CES5A: variants seen among roughly 807,000 people sequenced by gnomAD.
The protein encoded by CES5A is carboxylesterase 5.
Under a neutral mutation model 62.9 loss-of-function variants are expected in CES5A, and 67 were observed. The ratio of observed to expected loss-of-function variants is 1.07; its 90% CI spans 0.88 to 1.31. CES5A has a LOEUF of 1.31. Among genes scored for constraint, CES5A ranks in the 50% most tolerant of loss-of-function variants. The pLI is 0.00. For synonymous variants in CES5A, 296 were observed against 280.8 expected (o/e 1.05, Z -0.54); for missense variants, 748 against 708.5 (o/e 1.06, Z -0.63).
chr16:55,949,936 T>C (rs1174826034), intron 1 of CES5A: 3 of 977,998 alleles, frequency 3.1e-6, no homozygotes, highest in East Asian at 2.7e-5. Flanking sequence ...ATAATAAACA[T>C]TGATGATAAC....
chr16:55,847,817 T>C lies in CES5A; in HGVS notation c.1424-977A>G, dbSNP rs374070671. ...TTTGCTGGTAAAAGTAATATTTTAG[T>C]GTGCATATATACTTTTGCACATGTG... On this transcript the variant is annotated intron_variant, in intron 11 of 12. Coordinates refer to ENST00000290567, the MANE Select transcript of CES5A (RefSeq NM_001143685.2). 7.8e-4 allele frequency among the ~76,000 whole-genome samples: 119 copies of C among 152,366 alleles called. 1 individual carries two copies. The East Asian group carries it at 0.022, about 28-fold the overall frequency.
intron 1 of CES5A, among the ~76,000 whole-genome samples, chr16:55,897,063 C>G (rs12918787): frequency 1.3e-5 from 2 of 151,754 alleles, no homozygotes; most frequent in Non-Finnish European, 2.9e-5. Flanking sequence ...TCCCCGCATC[C>G]CCCCCATCCT....
At chr16:55,851,830 T>C (rs1407005739) in intron 10 of CES5A, among the ~76,000 whole-genome samples, 3 of 152,232 alleles carry the variant, frequency 2.0e-5, no homozygotes, top group African/African-American at 4.8e-5. Flanking sequence ...ATGTGATATA[T>C]ACATACAATG....
intron 1 of CES5A, among the ~76,000 whole-genome samples, chr16:55,885,344 C>T (rs2033804166): frequency 6.6e-6 from 1 of 152,156 alleles, no homozygotes; most frequent in Admixed American, 6.5e-5. Context: ...CACCTGTCTT[C>T]CGAGACCACT....
At chr16:55,870,317 AAGG>A (rs1389687870) in intron 3 of CES5A, among the ~76,000 whole-genome samples, 1 of 151,516 alleles carries the variant, frequency 6.6e-6, no homozygotes, top group Non-Finnish European at 1.5e-5. Context: ...AAAAGAGGAG[AAGG>A]AGAAGAAGAA....
chr16:55,900,471 G>A (rs1177603838), intron 1 of CES5A, among the ~76,000 whole-genome samples: 1 of 152,136 alleles, frequency 6.6e-6, no homozygotes, highest in Non-Finnish European at 1.5e-5. Context: ...AATGGATAAG[G>A]AGCCTTTCAC....
chr16:55,952,197 A>G (rs1294170679), intron 1 of CES5A, among the ~76,000 whole-genome samples: 1 of 152,218 alleles, frequency 6.6e-6, no homozygotes, highest in East Asian at 1.9e-4. Flanking sequence ...CTCTTAGGTT[A>G]GCAAAGAAAA....
At chr16:55,903,312 C>T (rs1441911755) in intron 1 of CES5A, among the ~76,000 whole-genome samples, 1 of 152,186 alleles carries the variant, frequency 6.6e-6, no homozygotes, top group Non-Finnish European at 1.5e-5. Context: ...ACATGCCTAG[C>T]ACAGTGCATG....
chr16:55,898,408 T>C (rs1053630967), intron 1 of CES5A, among the ~76,000 whole-genome samples: 18 of 152,176 alleles, frequency 1.2e-4, no homozygotes, highest in Non-Finnish European at 2.2e-4. Flanking sequence ...GTAAGCACTA[T>C]ATTTAAAATC....
rs567618227 is a variant in CES5A at position 55,941,887 on chromosome 16, A to C, written c.160+7898T>G. 7.2e-4 allele frequency among the ~76,000 whole-genome samples: 110 copies of C among 152,286 alleles called. 1 individual carries two copies. In the South Asian group the frequency reaches 0.018, roughly 24 times the overall value. On this transcript the variant is annotated intron_variant, in intron 2 of 13. Coordinates refer to the CES5A transcript ENST00000521992. Reference sequence around the variant, plus strand: ...AGTCATAGAACAGTACATCCTTCCAAAAGTCAATGGTACTATCTTATACTT... The same window carrying C: ...AGTCATAGAACAGTACATCCTTCCACAAGTCAATGGTACTATCTTATACTT...
At chr16:55,953,579 C>T (rs1354067379) in intron 1 of CES5A, among the ~76,000 whole-genome samples, 1 of 152,026 alleles carries the variant, frequency 6.6e-6, no homozygotes, top group Non-Finnish European at 1.5e-5. Context: ...ATACCTCAGG[C>T]AAATTTCATA....
chr16:55,883,734 A>G (rs2142426627), intron 1 of CES5A, among the ~76,000 whole-genome samples: 1 of 152,250 alleles, frequency 6.6e-6, no homozygotes, highest in African/African-American at 2.4e-5. Context: ...CCAATGTGAT[A>G]GCTCTTACCT....
chr16:55,941,578 A>G (rs2034446753), intron 2 of CES5A, among the ~76,000 whole-genome samples: 1 of 152,108 alleles, frequency 6.6e-6, no homozygotes. Context: ...TCCAATAAAA[A>G]TCCCAGGAGG....
chr16:55,857,060 A>G (rs2033258121), intron 8 of CES5A, among the ~76,000 whole-genome samples: 1 of 152,178 alleles, frequency 6.6e-6, no homozygotes, highest in Non-Finnish European at 1.5e-5. Flanking sequence ...GAAAATTTCC[A>G]AACTGGTGTT....
upstream of CES5A, among the ~76,000 whole-genome samples, chr16:55,926,058 T>G (rs1231701902): frequency 6.6e-6 from 1 of 152,162 alleles, no homozygotes; most frequent in Non-Finnish European, 1.5e-5. Flanking sequence ...GTTTGCTAGA[T>G]CTGTAGAGTG....
intron 1 of CES5A, among the ~76,000 whole-genome samples, chr16:55,909,032 C>A (rs1007468961): frequency 6.6e-6 from 1 of 152,180 alleles, no homozygotes; most frequent in Non-Finnish European, 1.5e-5. Context: ...CAACAGGGAA[C>A]GAATGCTCCA....
At chr16:55,952,001 G>A (rs55970719) in intron 1 of CES5A, among the ~76,000 whole-genome samples, 12,799 of 152,098 alleles carry the variant, frequency 0.084, 751 homozygotes, top group Non-Finnish European at 0.13. Flanking sequence ...ATTATTTTCA[G>A]TCACACATGG....
rs56017491 is a variant in CES5A, at chr16:55,854,544, C to CTTTTTTTTTTTTTTTTTTTT, written c.1126-1517_1126-1516insAAAAAAAAAAAAAAAAAAAA. ...CCTGTAGTGTTTCTTTTTTTTTTTTCTTTTTTTTTTTTTGAGACAGAGTCT... is the reference window on the plus strand; with the variant it reads ...CCTGTAGTGTTTCTTTTTTTTTTTTCTTTTTTTTTTTTTTTTTTTTTTTTTTTTTTTTTGAGACAGAGTCT... On this transcript the variant is annotated intron_variant, in intron 9 of 12. Transcript: ENST00000290567. Among the ~76,000 whole-genome samples the CTTTTTTTTTTTTTTTTTTTT allele has an allele frequency of 3.9e-4, 25 of 64,412 alleles. 2 individuals carry two copies. Among genetic ancestry groups the CTTTTTTTTTTTTTTTTTTTT allele is most frequent in the African/African-American group, 1.0e-3 (15 of 14,318 alleles). 42.3% of individuals were successfully genotyped at this position (64,412 alleles called of 152,430 possible).
At chr16:55,853,734 G>A (rs139435334) in intron 9 of CES5A, among the ~76,000 whole-genome samples, 380 of 152,242 alleles carry the variant, frequency 2.5e-3, no homozygotes, top group South Asian at 0.023. Flanking sequence ...TCTCTGACCT[G>A]GCACCAGCCT....
Sources: gnomAD v4.1 joint callset for allele counts (sites outside exome capture counted in the v4.1 genomes callset) on GRCh38, gnomAD v4.1.1 for gene constraint, MANE v1.5 for transcripts, NCBI Gene and HGNC (gene_info 2026-07-23, HGNC 2026-07-21) for gene names.